The following LAMA5 variants were observed in gnomAD, a reference collection of about 807,000 sequenced individuals.
LAMA5 encodes laminin subunit alpha 5, also known as laminin subunit alpha-5.
Under a neutral mutation model 433.4 loss-of-function variants are expected in LAMA5, and 260 were observed. The observed-to-expected ratio is 0.60, with a 90% CI of 0.54 to 0.66. The LOEUF (loss-of-function observed/expected upper bound fraction) is 0.66. Among genes scored for constraint, LAMA5 ranks in the 30% least tolerant of loss-of-function variants. LAMA5 has a pLI of 0.00. For missense variants in LAMA5, 5,378 were observed against 5,258.5 expected (o/e 1.02, Z -0.70); for synonymous variants, 2,620 against 2,226.6 (o/e 1.18, Z -4.97).
intron 46 of LAMA5, 38 bp downstream of exon 46, chr20:62,322,620 G>GGGCCC: frequency 2.9e-6 from 4 of 1,398,996 alleles, no homozygotes; most frequent in Non-Finnish European, 3.9e-6. Context: ...TAGTCCCTAG[G>GGGCCC]CCCCACCCAC....
At chr20:62,340,955 C>T (rs2085407975) in intron 11 of LAMA5, among the ~76,000 whole-genome samples, 1 of 151,864 alleles carries the variant, frequency 6.6e-6, no homozygotes, top group Non-Finnish European at 1.5e-5. Flanking sequence ...AGGAGAATCG[C>T]TTGAACCTAG....
In LAMA5 at chr20:62,310,399, G is replaced by A. The variant is rs778616255; in HGVS notation, c.10600+20C>T. On this transcript the variant is annotated intron_variant, in intron 76 of 79. Coordinates refer to ENST00000252999, the MANE Select transcript of LAMA5 (RefSeq NM_005560.6). The stretch of plus-strand genomic sequence containing the variant: ...CCCTGCCCTGCCCTGCTGAGGCCTG[G>A]GATGCCAGCACCCACAGACCTAAAG... 8.8e-6 allele frequency: 14 copies of A among 1,585,952 alleles called. No individual in the cohort carries two copies. The South Asian group carries it at 1.0e-4, about 12-fold the overall frequency.
chr20:62,345,631 T>C, intron 11 of LAMA5, 187 bp downstream of exon 11: 2 of 656,704 alleles, frequency 3.0e-6, no homozygotes, highest in Non-Finnish European at 2.7e-6. Flanking sequence ...AACTTTTTTC[T>C]TTGGCTTTAT....
rs548771198 is a variant in LAMA5 at position 62,338,096 on chromosome 20, C to T, written c.1811G>A (p.Arg604His). 59 of 1,601,584 alleles carry T rather than the reference C, an allele frequency of 3.7e-5. No individual in the cohort carries two copies. In the East Asian group the frequency reaches 4.3e-4, roughly 12 times the overall value. The change falls in exon 14 of 80, where the codon CGC becomes CAC. Residue 604 changes from arginine (R) to histidine (H), a missense_variant. Arg to His is a conservative substitution (Grantham distance 29). Coordinates refer to ENST00000252999, the MANE Select transcript of LAMA5 (RefSeq NM_005560.6). ...TLPEGCDEAG[R>H]CLCQPEFAGP... ...AGCAAACTCAGGCTGGCATAGGCAG[C>T]GGCCGGCCTCATCGCAGCCCTCGGG...
rs184638952 is a variant in LAMA5, at chr20:62,357,842, C to G, written c.450+4558G>C. Among the ~76,000 whole-genome samples the G allele has an allele frequency of 7.3e-3, 1,110 of 152,316 alleles. 58 individuals carry two copies. Among genetic ancestry groups the G allele is most frequent in the Admixed American group, 0.06 (914 of 15,296 alleles). Reference sequence around the variant, plus strand: ...AGCCAGGGGGCTGCCCGCACCTCAACAGAGCTGGGCCTGGGGTGGATTCAG... The same window carrying G: ...AGCCAGGGGGCTGCCCGCACCTCAAGAGAGCTGGGCCTGGGGTGGATTCAG... On this transcript the variant is annotated intron_variant, in intron 2 of 79. Coordinates refer to ENST00000252999, the MANE Select transcript of LAMA5 (RefSeq NM_005560.6).
chr20:62,330,981 T>C, intron 29 of LAMA5, 37 bp from the exon 30 acceptor site: 1 of 1,564,484 alleles, frequency 6.4e-7, no homozygotes, highest in South Asian at 1.2e-5. Context: ...GAGCCGGCCC[T>C]GCCGCCGGGC....
intron 21 of LAMA5, 50 bp downstream of exon 21, chr20:62,334,472 A>G (rs1390442991): frequency 6.6e-7 from 1 of 1,522,498 alleles, no homozygotes; most frequent in Non-Finnish European, 8.8e-7. Flanking sequence ...GGCCCGGAGG[A>G]CAAGCTGCCT....
intron 9 of LAMA5, 25 bp downstream of exon 9, chr20:62,346,481 C>G (rs374544810): frequency 1.3e-6 from 2 of 1,545,948 alleles, no homozygotes; most frequent in Non-Finnish European, 1.7e-6. Context: ...AGACCCAGGA[C>G]ACCCGCCCAG....
At chr20:62,323,085 GC>G (rs1978593692) in intron 45 of LAMA5, among the ~76,000 whole-genome samples, 2 of 126,922 alleles carry the variant, frequency 1.6e-5, no homozygotes, top group South Asian at 5.9e-4. Flanking sequence ...GGTGGGGGGG[GC>G]GCTGGTCATG....
Position 62,332,393 on chromosome 20 carries a change from G to A in LAMA5, c.3531C>T (p.Ala1177=), listed in dbSNP as rs142357165. 5.6e-6 allele frequency: 9 copies of A among 1,612,274 alleles called. No individual in the cohort carries two copies. The highest frequency in any genetic ancestry group is 1.6e-4 in the Middle Eastern group (1 of 6,074). Reference sequence around the variant, plus strand: ...TTACCAGGAAGAAGCGTGCCTGTTCGGCTGTGAGCCTCACGCTGGCCTCCG... The same window carrying A: ...TTACCAGGAAGAAGCGTGCCTGTTCAGCTGTGAGCCTCACGCTGGCCTCCG... ...LDSEASVRLT[A]EQARFFLHGV... is the part of the protein sequence containing the mutation. Residue 1177 remains alanine, a synonymous_variant, in exon 28 of 80, where the codon GCC becomes GCT. Transcript: ENST00000252999.
intron 2 of LAMA5, among the ~76,000 whole-genome samples, 174 bp downstream of exon 2, chr20:62,362,226 G>GCC (rs1437400789): frequency 2.6e-5 from 4 of 152,328 alleles, no homozygotes; most frequent in African/African-American, 9.6e-5. Flanking sequence ...GGTGACCACT[G>GCC]CCGTGCCTTT....
intron 40 of LAMA5, among the ~76,000 whole-genome samples, chr20:62,326,300 T>C (rs1451816627): frequency 6.7e-6 from 1 of 150,038 alleles, no homozygotes; most frequent in Non-Finnish European, 1.5e-5. Context: ...TACTCTGAAG[T>C]CTGACAGAGG....
chr20:62,347,140 G>A (rs1440154902), intron 6 of LAMA5, 112 bp from the exon 7 acceptor site: 6 of 748,068 alleles, frequency 8.0e-6, no homozygotes, highest in African/African-American at 1.7e-5. Flanking sequence ...CTTGCCACAT[G>A]GACACGGCCC....
chr20:62,329,907 T>G lies in LAMA5; in HGVS notation c.3989A>C (p.Asn1330Thr), dbSNP rs950322357. 4.3e-6 allele frequency: 7 copies of G among 1,611,512 alleles called. No homozygotes were observed. The highest frequency in any genetic ancestry group is 5.9e-6 in the Non-Finnish European group (7 of 1,179,710). The change falls in exon 32 of 80, where the codon AAC (asparagine) becomes ACC (threonine). Residue 1330 changes from asparagine to threonine, a missense_variant. Coordinates refer to ENST00000252999, the MANE Select transcript of LAMA5 (RefSeq NM_005560.6). Reference sequence around the variant, plus strand: ...GTAGCCATGTGGACAGAAGCTGGCGTTGGCGTGGCCTGGGCGGGGGAGAAA... The same window carrying G: ...GTAGCCATGTGGACAGAAGCTGGCGGTGGCGTGGCCTGGGCGGGGGAGAAA... ...NAGRVWQGHA[N>T]ASFCPHGYGC...
chr20:62,328,300 T>C lies in LAMA5; in HGVS notation c.4593A>G (p.Ser1531=), dbSNP rs747503357. The change falls in exon 35 of 80, where the codon TCA becomes TCG. Residue 1531 remains serine, a synonymous_variant. Coordinates refer to ENST00000252999, the MANE Select transcript of LAMA5 (RefSeq NM_005560.6). ...CTGTGAGCTCCTGGATGCCGGGCCC[T>C]GAGCAGTTACACTCCTCACAGCCGA... ...PLVGCEECNC[S]GPGIQELTDP... 27 of 1,607,524 alleles carry C rather than the reference T, an allele frequency of 1.7e-5. No individual in the cohort carries two copies. The Middle Eastern group carries it at 9.9e-4, about 59-fold the overall frequency.
rs1424508310 is a variant in LAMA5, at chr20:62,324,523, T to C, written c.5561A>G (p.Lys1854Arg). 6 of 1,612,126 alleles carry C rather than the reference T, an allele frequency of 3.7e-6. 1 individual carries two copies. The highest frequency in any genetic ancestry group is 3.3e-5 in the Admixed American group (2 of 59,930). Reference sequence around the variant, plus strand: ...GACACATCGGCCCAGGAAGAGACCTTTGACGTCCCGATAGAAGCCGGGGGC... The same window carrying C: ...GACACATCGGCCCAGGAAGAGACCTCTGACGTCCCGATAGAAGCCGGGGGC... ...ECAPGFYRDV[K>R]GLFLGRCVPC... is the part of the protein sequence containing the mutation. Residue 1854 changes from lysine (K) to arginine (R), a missense_variant, in exon 42 of 80, where the codon AAA (lysine) becomes AGA (arginine). Lys to Arg is a conservative substitution (Grantham distance 26). Transcript: ENST00000252999. This position sits in a 1 kb window ranked among gnomAD's most constrained non-coding sequence, Gnocchi z 4.4.
rs1302606741 is a variant in LAMA5 at position 62,310,211 on chromosome 20, G to A, written c.10701C>T (p.Pro3567=). 4 of 1,612,612 alleles carry A rather than the reference G, an allele frequency of 2.5e-6. No individual in the cohort carries two copies. The highest frequency in any genetic ancestry group is 2.5e-6 in the Non-Finnish European group (3 of 1,179,946). ...LIFHLGQART[P]PYLQLQVTEK... ...CGGTCACCTGCAACTGCAAGTAGGG[G>A]GGCGTCCGGGCCTGGCCCAAGTGGA... Residue 3567 remains proline, a synonymous_variant, in exon 77 of 80, where the codon CCC becomes CCT. Coordinates refer to ENST00000252999, the MANE Select transcript of LAMA5 (RefSeq NM_005560.6).
rs377080588 is a variant in LAMA5, at chr20:62,312,059, G to A, written c.9505-9C>T. ...ACCTGGCATAGCCCATCCTGGGGACGGCAGCCAGGTCAGCCGGCCGGCCTG... is the reference window on the plus strand; with the variant it reads ...ACCTGGCATAGCCCATCCTGGGGACAGCAGCCAGGTCAGCCGGCCGGCCTG... On this transcript the variant is annotated splice_polypyrimidine_tract_variant and intron_variant, in intron 69 of 79. Transcript: ENST00000252999. The A allele has an allele frequency of 4.8e-5, 78 of 1,610,846 alleles. No homozygotes were observed. Among genetic ancestry groups the A allele is most frequent in the South Asian group, 1.1e-4 (10 of 91,022 alleles).
intron 1 of LAMA5, among the ~76,000 whole-genome samples, chr20:62,366,455 C>T (rs766990475): frequency 4.6e-5 from 7 of 152,252 alleles, no homozygotes; most frequent in Non-Finnish European, 7.3e-5. Flanking sequence ...CCCTCCCCTA[C>T]TTTGGAGGTC....
Sources: gnomAD v4.1 joint callset for allele counts (sites outside exome capture counted in the v4.1 genomes callset) on GRCh38, gnomAD v4.1.1 for gene constraint, Gnocchi (gnomAD v3.1) non-coding constraint, MANE v1.5 for transcripts, NCBI Gene and HGNC (gene_info 2026-07-23, HGNC 2026-07-21) for gene names.